Variants in RTN1 observed in about 807,000 individuals in gnomAD.
RTN1 encodes the protein reticulon 1, also known as reticulon-1.
A neutral mutation model predicts 65.5 loss-of-function variants in RTN1; 25 were observed. The observed-to-expected ratio is 0.38, with a 90% CI of 0.28 to 0.53. RTN1 has a LOEUF of 0.53. Ranked by LOEUF, RTN1 falls within the 20% of genes least tolerant of loss-of-function variation. RTN1 has a pLI of 0.79. For missense variants in RTN1, 983 were observed against 1,025.4 expected (o/e 0.96, Z 0.57); for synonymous variants, 471 against 447.6 (o/e 1.05, Z -0.66).
chr14:59,756,205 A>G (rs1278261785), intron 1 of RTN1, among the ~76,000 whole-genome samples: 1 of 152,174 alleles, frequency 6.6e-6, no homozygotes, highest in East Asian at 1.9e-4. Flanking sequence ...ATGAGCTTGG[A>G]ATCATGTTTT....
At chr14:59,640,898 C>G (rs1489943208) in intron 3 of RTN1, among the ~76,000 whole-genome samples, 1 of 151,456 alleles carries the variant, frequency 6.6e-6, no homozygotes, top group Non-Finnish European at 1.5e-5. Flanking sequence ...TCAATTATTT[C>G]TTTTCTTTTG....
intron 2 of RTN1, among the ~76,000 whole-genome samples, chr14:59,731,603 T>C (rs1884898154): frequency 6.6e-6 from 1 of 152,226 alleles, no homozygotes; most frequent in Admixed American, 6.5e-5. Context: ...CACCAAGATT[T>C]TGGGATTTAT....
intron 3 of RTN1, among the ~76,000 whole-genome samples, chr14:59,665,711 G>C (rs1482998565): frequency 6.6e-6 from 1 of 152,014 alleles, no homozygotes; most frequent in Non-Finnish European, 1.5e-5. Context: ...CACATGCAAA[G>C]ACACACATAA....
intron 3 of RTN1, among the ~76,000 whole-genome samples, chr14:59,624,952 T>C (rs1882354200): frequency 6.6e-6 from 1 of 152,254 alleles, no homozygotes; most frequent in South Asian, 2.1e-4. Flanking sequence ...TTGGATTCAA[T>C]GGATTTTATA....
At chr14:59,646,300 A>C (rs1338587181) in intron 3 of RTN1, among the ~76,000 whole-genome samples, 1 of 152,238 alleles carries the variant, frequency 6.6e-6, no homozygotes, top group Middle Eastern at 3.2e-3. Context: ...CCTCTGAGAA[A>C]TATGGGATTA....
intron 3 of RTN1, among the ~76,000 whole-genome samples, chr14:59,631,890 C>T (rs577190568): frequency 1.1e-3 from 162 of 152,250 alleles, no homozygotes; most frequent in Non-Finnish European, 1.9e-3. Context: ...ATTACAGGGT[C>T]TTTTTCATAG....
At chr14:59,775,214 T>G (rs987174780) in intron 1 of RTN1, among the ~76,000 whole-genome samples, 2 of 152,114 alleles carry the variant, frequency 1.3e-5, no homozygotes, top group Non-Finnish European at 2.9e-5. Context: ...CATAAAACCT[T>G]GAAAATCTCA....
At chr14:59,640,130 A>G (rs1202276683) in intron 3 of RTN1, among the ~76,000 whole-genome samples, 1 of 152,160 alleles carries the variant, frequency 6.6e-6, no homozygotes, top group Non-Finnish European at 1.5e-5. Context: ...ATTATTTCAT[A>G]TTGGAATATT....
chr14:59,721,275 C>T (rs1305721552), intron 3 of RTN1, among the ~76,000 whole-genome samples: 1 of 152,208 alleles, frequency 6.6e-6, no homozygotes, highest in Non-Finnish European at 1.5e-5. Context: ...CTGCTATACA[C>T]AGAGGAGGCC....
chr14:59,845,422 C>T (rs1249553511), intron 1 of RTN1, among the ~76,000 whole-genome samples: 1 of 152,166 alleles, frequency 6.6e-6, no homozygotes, highest in African/African-American at 2.4e-5. Flanking sequence ...TCTTCTTCAT[C>T]TCCAAGTTCT....
intron 1 of RTN1, among the ~76,000 whole-genome samples, chr14:59,769,106 C>T (rs1885905359): frequency 6.6e-6 from 1 of 151,996 alleles, no homozygotes; most frequent in Admixed American, 6.6e-5. Flanking sequence ...AAAGCAGTTG[C>T]TCTTAATCAT....
In RTN1 at chr14:59,689,638, A is replaced by G. The variant is rs113501394; in HGVS notation, c.1765+37281T>C. The stretch of plus-strand genomic sequence containing the variant: ...GCAGAAACCTTACAAACCAGGAAAG[A>G]TGGGGAGCCTATTTTTAGCATTCTT... On this transcript the variant is annotated intron_variant, in intron 3 of 8. Coordinates refer to ENST00000267484, the MANE Select transcript of RTN1 (RefSeq NM_021136.3). 5.7e-3 allele frequency among the ~76,000 whole-genome samples: 861 copies of G among 152,340 alleles called. 7 individuals carry two copies. Among genetic ancestry groups the G allele is most frequent in the African/African-American group, 0.018 (735 of 41,572 alleles).
chr14:59,819,414 A>ACCCC lies in RTN1; in HGVS notation c.241+50972_241+50975dup, dbSNP rs1566737477. Among the ~76,000 whole-genome samples, 4 of 31,862 alleles carry ACCCC rather than the reference A, an allele frequency of 1.3e-4. 1 individual carries two copies. Among genetic ancestry groups the ACCCC allele is most frequent in the African/African-American group, 9.0e-4 (3 of 3,320 alleles). The allele number at this position is 31,862 out of a possible 152,430, so 20.9% of individuals were successfully genotyped here. On this transcript the variant is annotated intron_variant, in intron 1 of 8. Coordinates refer to ENST00000267484, the MANE Select transcript of RTN1 (RefSeq NM_021136.3). ...TGATTGGTGCATCCACACCACCACC[A>ACCCC]CCCCCCCCCCACCCCCCACCCCCCC...
chr14:59,743,491 G>C (rs1594714899), intron 2 of RTN1, among the ~76,000 whole-genome samples: 3 of 152,090 alleles, frequency 2.0e-5, no homozygotes, highest in Admixed American at 2.0e-4. Context: ...AATAATAAAA[G>C]AGTTTTACTA....
rs1885439829 is a variant in RTN1 at position 59,750,212 on chromosome 14, A to ATATTATATCTATAATATAT, written c.242-3732_242-3731insATATATTATAGATATAATA. On this transcript the variant is annotated intron_variant, in intron 1 of 8. Transcript: ENST00000267484. The stretch of plus-strand genomic sequence containing the variant: ...ATATATTATATCTATAATATATAAT[A>ATATTATATCTATAATATAT]TATATATTATATCTATAATATATAT... Among the ~76,000 whole-genome samples the ATATTATATCTATAATATAT allele has an allele frequency of 3.1e-4, 9 of 28,822 alleles. 2 individuals are homozygous for ATATTATATCTATAATATAT. Among genetic ancestry groups the ATATTATATCTATAATATAT allele is most frequent in the African/African-American group, 1.7e-3 (9 of 5,374 alleles). The allele number at this position is 28,822 out of a possible 152,430, so 18.9% of individuals were successfully genotyped here.
At chr14:59,850,052 T>A (rs1887477181) in intron 1 of RTN1, among the ~76,000 whole-genome samples, 1 of 152,164 alleles carries the variant, frequency 6.6e-6, no homozygotes, top group South Asian at 2.1e-4. Flanking sequence ...TCACCCTCAC[T>A]TCTGCTTCTG....
chr14:59,698,849 T>G (rs1461992757), intron 3 of RTN1, among the ~76,000 whole-genome samples: 1 of 152,202 alleles, frequency 6.6e-6, no homozygotes, highest in East Asian at 1.9e-4. Flanking sequence ...GACTTAATGT[T>G]TATGTGCCAG....
intron 3 of RTN1, among the ~76,000 whole-genome samples, chr14:59,640,497 A>C (rs1480260370): frequency 6.6e-6 from 1 of 151,974 alleles, no homozygotes; most frequent in Admixed American, 6.6e-5. Context: ...TTGTATTTTT[A>C]GTAGAGATGG....
chr14:59,615,545 G>GA (rs911707534), intron 3 of RTN1, among the ~76,000 whole-genome samples: 30 of 152,282 alleles, frequency 2.0e-4, no homozygotes, highest in South Asian at 6.2e-4. Context: ...GGCTTTCTTA[G>GA]AAAATTGATC....
Sources: allele counts gnomAD v4.1 joint callset (sites outside exome capture counted in the v4.1 genomes callset), GRCh38; gene constraint gnomAD v4.1.1; transcripts MANE v1.5; gene names NCBI Gene and HGNC (gene_info 2026-07-23, HGNC 2026-07-21).